The following ZNF516 variants were observed in gnomAD, a reference collection of about 807,000 sequenced individuals.
ZNF516 encodes zinc finger protein 516.
ZNF516 carries 19 observed loss-of-function variants against 79.7 expected under a neutral mutation model. The ratio of observed to expected loss-of-function variants is 0.24; its 90% CI spans 0.17 to 0.35. The LOEUF (loss-of-function observed/expected upper bound fraction) is 0.35, where lower values mean the gene tolerates loss of function less well. Among genes scored for constraint, ZNF516 ranks in the 10% least tolerant of loss-of-function variants. ZNF516 has a pLI of 1.00. For missense variants in ZNF516, 1,678 were observed against 1,679.5 expected, an observed-to-expected ratio of 1.00 and a Z score of 0.02; for synonymous variants, 877 against 739.5, an observed-to-expected ratio of 1.19 and a Z score of -3.02.
At chr18:76,382,840 G>A (rs2074915433) in intron 3 of ZNF516, among the ~76,000 whole-genome samples, 2 of 152,146 alleles carry the variant, frequency 1.3e-5, no homozygotes, top group African/African-American at 4.8e-5. Flanking sequence ...GGGATCAGGA[G>A]TTTGAGGACA....
chr18:76,449,709 TTAA>T (rs1292299240), intron 2 of ZNF516, among the ~76,000 whole-genome samples: 1 of 152,246 alleles, frequency 6.6e-6, no homozygotes, highest in African/African-American at 2.4e-5. Flanking sequence ...TTAGACGGGA[TTAA>T]TAAGTAATTG....
chr18:76,384,076 T>A (rs2074938641), intron 3 of ZNF516, among the ~76,000 whole-genome samples: 1 of 152,194 alleles, frequency 6.6e-6, no homozygotes, highest in Non-Finnish European at 1.5e-5. Flanking sequence ...TGTTCTCAGG[T>A]TCCTGAGTGC....
At chr18:76,386,480 A>C (rs549260325) in intron 3 of ZNF516, 1 of 152,394 alleles carries the variant, frequency 6.6e-6, no homozygotes, top group South Asian at 2.1e-4. Flanking sequence ...AAATGGCACT[A>C]CTTTTATAAA....
At chr18:76,492,402 C>T (rs1340452568) in intron 1 of ZNF516, 1 of 975,078 alleles carries the variant, frequency 1.0e-6, no homozygotes, top group Non-Finnish European at 1.2e-6. Flanking sequence ...TTGTGCGGGT[C>T]AGACGCAGCC....
intron 3 of ZNF516, among the ~76,000 whole-genome samples, chr18:76,425,567 A>G (rs961119774): frequency 2.6e-5 from 4 of 152,210 alleles, no homozygotes; most frequent in African/African-American, 9.6e-5. Flanking sequence ...TGACAGGGCT[A>G]AACATTTCTC....
In ZNF516 at chr18:76,451,305, C is replaced by T. The variant is rs1231758738; in HGVS notation, c.-157-8094G>A. ...GTCTGCGTCCTCTCTGACCACCTTC[C>T]GGGGGCGGGGGGGGCACCGATGTCA... is the stretch of plus-strand genomic sequence containing the variant. On this transcript the variant is annotated intron_variant, in intron 2 of 6. Coordinates refer to ENST00000443185, the MANE Select transcript of ZNF516 (RefSeq NM_014643.4). This position sits in a 1 kb window ranked among gnomAD's most constrained non-coding sequence, Gnocchi z 6.0. Among the ~76,000 whole-genome samples the T allele has an allele frequency of 3.3e-5, 5 of 152,192 alleles. No homozygotes were observed. The highest frequency in any genetic ancestry group is 3.9e-4 in the East Asian group (2 of 5,184).
chr18:76,470,621 G>T (rs571718997), intron 1 of ZNF516, among the ~76,000 whole-genome samples: 38 of 152,246 alleles, frequency 2.5e-4, no homozygotes, highest in Non-Finnish European at 3.5e-4. Flanking sequence ...GACCACCCTT[G>T]GCCAAAAGCA....
intron 3 of ZNF516, among the ~76,000 whole-genome samples, chr18:76,402,721 C>G (rs1236024440): frequency 2.0e-5 from 3 of 152,276 alleles, no homozygotes; most frequent in Admixed American, 6.5e-5. Context: ...AGGTCTGACT[C>G]TCACGTGATT....
At chr18:76,473,531 G>C (rs1384154782) in intron 1 of ZNF516, among the ~76,000 whole-genome samples, 1 of 152,134 alleles carries the variant, frequency 6.6e-6, no homozygotes, top group Non-Finnish European at 1.5e-5. Context: ...GCTGGGTGCG[G>C]TGGCTCACGC....
chr18:76,488,032 A>T, intron 1 of ZNF516: 1 of 985,358 alleles, frequency 1.0e-6, no homozygotes, highest in Non-Finnish European at 1.2e-6. Flanking sequence ...ACTGCTGCAC[A>T]AACAGAGGCT....
chr18:76,468,778 G>A (rs1042137761), intron 1 of ZNF516, among the ~76,000 whole-genome samples: 1 of 152,006 alleles, frequency 6.6e-6, no homozygotes, highest in Non-Finnish European at 1.5e-5. Flanking sequence ...TGTGGCCGAG[G>A]GAAGCCAAAA....
chr18:76,423,942 A>G (rs2075550667), intron 3 of ZNF516, among the ~76,000 whole-genome samples: 1 of 108,138 alleles, frequency 9.2e-6, no homozygotes, highest in African/African-American at 3.3e-5. Flanking sequence ...GCAGGTGAAA[A>G]GGCTCCCCCG....
intron 3 of ZNF516, among the ~76,000 whole-genome samples, chr18:76,407,445 G>C (rs2075317924): frequency 6.6e-6 from 1 of 152,100 alleles, no homozygotes; most frequent in Admixed American, 6.6e-5. Flanking sequence ...GGGGGGAGTG[G>C]AGAGGAGGAA....
chr18:76,363,936 G>A (rs2074577862), intron 6 of ZNF516, among the ~76,000 whole-genome samples: 1 of 152,222 alleles, frequency 6.6e-6, no homozygotes, highest in Admixed American at 6.5e-5. Flanking sequence ...CAGGTGCTGT[G>A]TGTGCCTAGA....
chr18:76,402,008 C>A (rs1425612703), intron 3 of ZNF516, among the ~76,000 whole-genome samples: 1 of 149,074 alleles, frequency 6.7e-6, no homozygotes, highest in East Asian at 1.9e-4. Flanking sequence ...CGTGTGTACA[C>A]GTTTGTGTGT....
intron 3 of ZNF516, among the ~76,000 whole-genome samples, chr18:76,414,834 GCACA>G (rs1286609362): frequency 6.6e-6 from 1 of 152,260 alleles, no homozygotes; most frequent in Admixed American, 6.5e-5. Context: ...ATACGTGTGT[GCACA>G]CACAGACACC....
At chr18:76,385,597 AAAG>A (rs1207984939) in intron 3 of ZNF516, 2 of 152,230 alleles carry the variant, frequency 1.3e-5, no homozygotes, top group Non-Finnish European at 2.9e-5. Flanking sequence ...ATGGGTGTTT[AAAG>A]CACTTCATTC....
intron 1 of ZNF516, chr18:76,490,968 C>T (rs969287228): frequency 9.1e-6 from 9 of 985,434 alleles, no homozygotes; most frequent in African/African-American, 5.2e-5. Flanking sequence ...GAACACAAAA[C>T]CCCCACGCAG....
intron 3 of ZNF516, among the ~76,000 whole-genome samples, chr18:76,400,271 C>T (rs1478717542): frequency 1.3e-5 from 2 of 152,178 alleles, no homozygotes; most frequent in Non-Finnish European, 2.9e-5. Context: ...GCGAGGCTCA[C>T]GGTGTTCACG....
Sources: allele counts gnomAD v4.1 joint callset (sites outside exome capture counted in the v4.1 genomes callset), GRCh38; gene constraint gnomAD v4.1.1; non-coding constraint Gnocchi (gnomAD v3.1); transcripts MANE v1.5; gene names NCBI Gene and HGNC (gene_info 2026-07-23, HGNC 2026-07-21).